The following PDE10A variants were observed in gnomAD, a reference collection of about 807,000 sequenced individuals.
The protein encoded by PDE10A is cAMP and cAMP-inhibited cGMP 3',5'-cyclic phosphodiesterase 10A.
A neutral mutation model predicts 97.7 loss-of-function variants in PDE10A; 39 were observed. The observed-to-expected ratio is 0.40, with a 90% CI of 0.31 to 0.52. PDE10A has a LOEUF of 0.52. Among genes scored for constraint, PDE10A ranks in the 20% least tolerant of loss-of-function variants. The probability of loss-of-function intolerance (pLI) is 0.56; values close to 1 mark genes in which losing one functional copy is unlikely to be tolerated. For missense variants in PDE10A, 731 were observed against 1,047.8 expected, an observed-to-expected ratio of 0.70 and a Z score of 4.17; for synonymous variants, 371 against 376.8, an observed-to-expected ratio of 0.98 and a Z score of 0.18.
At chr6:165,802,681 T>C (rs1779014479) in intron 1 of PDE10A, among the ~76,000 whole-genome samples, 1 of 152,198 alleles carries the variant, frequency 6.6e-6, no homozygotes, top group Non-Finnish European at 1.5e-5. Flanking sequence ...ACCTGGTCCG[T>C]TCCACACATA....
intron 1 of PDE10A, among the ~76,000 whole-genome samples, chr6:165,770,311 T>A (rs544064384): frequency 4.0e-5 from 6 of 150,774 alleles, no homozygotes; most frequent in East Asian, 1.9e-4. Context: ...AACATCTTTT[T>A]AAAAAAAAAG....
chr6:165,813,790 A>C (rs927004442), intron 1 of PDE10A, among the ~76,000 whole-genome samples: 6 of 15,624 alleles, frequency 3.8e-4, no homozygotes, highest in African/African-American at 6.3e-4. Context: ...CTAATCGCAG[A>C]CAAAAAAAAA....
chr6:165,509,366 A>C (rs1781382955), intron 2 of PDE10A, among the ~76,000 whole-genome samples: 1 of 151,916 alleles, frequency 6.6e-6, no homozygotes, highest in Non-Finnish European at 1.5e-5. Flanking sequence ...TGTTCTTGGA[A>C]CCTGTGTCGA....
intron 1 of PDE10A, among the ~76,000 whole-genome samples, chr6:165,748,914 G>T (rs1405834577): frequency 6.6e-6 from 1 of 152,040 alleles, no homozygotes; most frequent in Non-Finnish European, 1.5e-5. Flanking sequence ...AGACCACAGG[G>T]TTGAATTTCT....
chr6:165,366,924 G>A (rs749314078), intron 18 of PDE10A, among the ~76,000 whole-genome samples: 1 of 152,044 alleles, frequency 6.6e-6, no homozygotes, highest in East Asian at 1.9e-4. Context: ...AAAGATAATG[G>A]AGCTTGTTGC....
intron 1 of PDE10A, among the ~76,000 whole-genome samples, chr6:165,855,208 C>T (rs1039909292): frequency 3.3e-5 from 5 of 151,692 alleles, no homozygotes; most frequent in Admixed American, 1.3e-4. Flanking sequence ...ACCGGGCAGC[C>T]CCAGACCCAG....
At chr6:165,426,833 CT>C (rs1415271934) in intron 10 of PDE10A, among the ~76,000 whole-genome samples, 3 of 152,066 alleles carry the variant, frequency 2.0e-5, no homozygotes, top group Admixed American at 2.0e-4. Flanking sequence ...GACATCTCCC[CT>C]AAGACAATAT....
chr6:165,593,272 G>C (rs1448300096), intron 1 of PDE10A, among the ~76,000 whole-genome samples: 2 of 152,094 alleles, frequency 1.3e-5, no homozygotes, highest in African/African-American at 4.8e-5. Flanking sequence ...ACACAGGGAG[G>C]GGAACATCAC....
chr6:165,336,476 G>A (rs1373034228), intron 20 of PDE10A, among the ~76,000 whole-genome samples: 5 of 152,160 alleles, frequency 3.3e-5, no homozygotes, highest in South Asian at 2.1e-4. Flanking sequence ...CTGGCCGGGC[G>A]CGGTGGCTCA....
At chr6:165,405,716 G>A (rs371720904) in intron 13 of PDE10A, among the ~76,000 whole-genome samples, 68 of 152,292 alleles carry the variant, frequency 4.5e-4, no homozygotes, top group Middle Eastern at 3.4e-3. Flanking sequence ...ATGTCTGCTT[G>A]ATTTTAAGTT....
intron 2 of PDE10A, among the ~76,000 whole-genome samples, chr6:165,525,236 T>C (rs4304141): frequency 3.3e-5 from 5 of 151,980 alleles, no homozygotes; most frequent in African/African-American, 1.2e-4. Context: ...AGAACAGGCA[T>C]GGGAATGGAT....
chr6:165,493,112 G>A (rs1469323873), intron 2 of PDE10A, among the ~76,000 whole-genome samples: 3 of 151,956 alleles, frequency 2.0e-5, no homozygotes, highest in Non-Finnish European at 2.9e-5. Flanking sequence ...AAAATACTTA[G>A]GAATACACTT....
intron 1 of PDE10A, among the ~76,000 whole-genome samples, chr6:165,977,299 G>A (rs1318816962): frequency 6.6e-6 from 1 of 152,194 alleles, no homozygotes; most frequent in Non-Finnish European, 1.5e-5. Context: ...GACTTTCCTA[G>A]GCAGAGATTT....
chr6:165,579,760 G>T (rs963058183), intron 1 of PDE10A, among the ~76,000 whole-genome samples: 1 of 152,124 alleles, frequency 6.6e-6, no homozygotes, highest in Non-Finnish European at 1.5e-5. Context: ...GTCCTTACAT[G>T]GCCTGTTCCT....
At chr6:165,909,322 A>G (rs1782391163) in intron 1 of PDE10A, among the ~76,000 whole-genome samples, 1 of 152,228 alleles carries the variant, frequency 6.6e-6, no homozygotes, top group South Asian at 2.1e-4. Context: ...CTCTGTGGGC[A>G]GGTCTTGAGC....
At chr6:165,740,691 C>T (rs1175900443) in intron 1 of PDE10A, among the ~76,000 whole-genome samples, 1 of 152,150 alleles carries the variant, frequency 6.6e-6, no homozygotes, top group Non-Finnish European at 1.5e-5. Context: ...TTTGTGACAA[C>T]TTGGTGAACC....
At chr6:165,427,119 C>T (rs1444714295) in intron 10 of PDE10A, among the ~76,000 whole-genome samples, 1 of 151,952 alleles carries the variant, frequency 6.6e-6, no homozygotes, top group African/African-American at 2.4e-5. Context: ...AGATATATAC[C>T]CCAAACAATG....
chr6:165,513,270 A>G (rs1336601473), intron 2 of PDE10A, among the ~76,000 whole-genome samples: 1 of 152,044 alleles, frequency 6.6e-6, no homozygotes, highest in African/African-American at 2.4e-5. Context: ...ATAATGTATG[A>G]ATATATAATT....
At chr6:165,765,333 G>A (rs1007021666) in intron 1 of PDE10A, among the ~76,000 whole-genome samples, 5 of 152,238 alleles carry the variant, frequency 3.3e-5, no homozygotes, top group African/African-American at 9.6e-5. Context: ...CTGTAGAGCA[G>A]GGGGCGGCGC....
Sources: gnomAD v4.1 joint callset for allele counts (sites outside exome capture counted in the v4.1 genomes callset) on GRCh38, gnomAD v4.1.1 for gene constraint, MANE v1.5 for transcripts, NCBI Gene and HGNC (gene_info 2026-07-23, HGNC 2026-07-21) for gene names.